DCC: variants seen among roughly 807,000 people sequenced by gnomAD.
The protein encoded by DCC is DCC netrin 1 receptor.
In DCC, 58 loss-of-function variants were observed where a neutral mutation model predicts 172.5. The ratio of observed to expected loss-of-function variants is 0.34; its 90% CI spans 0.27 to 0.42. The LOEUF (loss-of-function observed/expected upper bound fraction) is 0.42, where lower values mean the gene tolerates loss of function less well. Ranked by LOEUF, DCC falls within the 10% of genes least tolerant of loss-of-function variation. The probability of loss-of-function intolerance (pLI) is 1.00; values close to 1 mark genes in which losing one functional copy is unlikely to be tolerated. For synonymous variants in DCC, 709 were observed against 644.5 expected, an observed-to-expected ratio of 1.10 and a Z score of -1.52; for missense variants, 1,740 against 1,791.0, an observed-to-expected ratio of 0.97 and a Z score of 0.51.
At chr18:53,390,917 T>C (rs1412636671) in intron 16 of DCC, among the ~76,000 whole-genome samples, 2 of 152,216 alleles carry the variant, frequency 1.3e-5, no homozygotes, top group East Asian at 3.9e-4. Context: ...TCTGTGAGAA[T>C]GTGGGTAAAA....
At chr18:52,894,804 T>C (rs1236087276) in intron 2 of DCC, among the ~76,000 whole-genome samples, 2 of 152,192 alleles carry the variant, frequency 1.3e-5, no homozygotes, top group Non-Finnish European at 2.9e-5. Context: ...TTGTTCTATT[T>C]GGGCCTTTAA....
At chr18:52,772,083 T>G (rs2037353872) in intron 2 of DCC, among the ~76,000 whole-genome samples, 1 of 152,236 alleles carries the variant, frequency 6.6e-6, no homozygotes, top group African/African-American at 2.4e-5. Flanking sequence ...GATACATTCT[T>G]TTTACTTACT....
chr18:52,400,299 A>T (rs12969035), intron 1 of DCC, among the ~76,000 whole-genome samples: 55,942 of 151,836 alleles, frequency 0.37, 10,593 homozygotes, highest in Non-Finnish European at 0.42. Flanking sequence ...GACACCAAAA[A>T]ATATGGATGA....
chr18:53,364,359 C>T (rs1222235554), intron 15 of DCC, among the ~76,000 whole-genome samples: 2 of 151,382 alleles, frequency 1.3e-5, no homozygotes, highest in African/African-American at 2.4e-5. Context: ...GGAAATTGCC[C>T]CTGTTTTTTT....
At chr18:52,810,860 G>A (rs1052270041) in intron 2 of DCC, among the ~76,000 whole-genome samples, 1 of 152,148 alleles carries the variant, frequency 6.6e-6, no homozygotes, top group Admixed American at 6.5e-5. Flanking sequence ...CAGCTCGGAG[G>A]TAGGGTTTCA....
At chr18:53,119,789 T>C (rs367767253) in intron 7 of DCC, among the ~76,000 whole-genome samples, 330 of 151,954 alleles carry the variant, frequency 2.2e-3, no homozygotes, top group African/African-American at 7.5e-3. Context: ...GCATCACCGC[T>C]GTTGGTGCTG....
chr18:53,300,575 G>T (rs894206716), intron 12 of DCC, among the ~76,000 whole-genome samples: 2 of 152,064 alleles, frequency 1.3e-5, no homozygotes, highest in Non-Finnish European at 2.9e-5. Context: ...ATTAAATAAG[G>T]TATCATTAAA....
intron 2 of DCC, among the ~76,000 whole-genome samples, chr18:52,827,674 TCTA>T (rs1455887150): frequency 2.0e-5 from 3 of 152,240 alleles, no homozygotes; most frequent in African/African-American, 7.2e-5. Flanking sequence ...CAATAGCTCT[TCTA>T]CTACTATTTG....
chr18:52,741,930 T>A (rs939937365), intron 1 of DCC, among the ~76,000 whole-genome samples: 1 of 152,114 alleles, frequency 6.6e-6, no homozygotes, highest in African/African-American at 2.4e-5. Flanking sequence ...GAGGTGGGAC[T>A]TTGGGGAGAT....
chr18:52,748,736 G>A (rs2036948027), intron 1 of DCC, among the ~76,000 whole-genome samples: 1 of 152,222 alleles, frequency 6.6e-6, no homozygotes, highest in South Asian at 2.1e-4. Flanking sequence ...TGGAGAGTGA[G>A]CAAGGTGGAG....
intron 8 of DCC, among the ~76,000 whole-genome samples, chr18:53,173,429 G>A (rs1353346981): frequency 6.6e-6 from 1 of 151,898 alleles, no homozygotes; most frequent in Non-Finnish European, 1.5e-5. Context: ...CAGTTCTATG[G>A]TATTAGCACA....
intron 7 of DCC, among the ~76,000 whole-genome samples, chr18:53,083,933 A>T (rs1373772074): frequency 6.6e-6 from 1 of 152,208 alleles, no homozygotes; most frequent in African/African-American, 2.4e-5. Context: ...AAACTGTAAC[A>T]ACCTTTCTCC....
At chr18:53,398,809 T>C (rs553534517) in intron 18 of DCC, among the ~76,000 whole-genome samples, 54 of 152,206 alleles carry the variant, frequency 3.5e-4, no homozygotes, top group Non-Finnish European at 5.3e-4. Context: ...CTTTTAGAAA[T>C]GTGGTTAGTA....
intron 1 of DCC, among the ~76,000 whole-genome samples, chr18:52,487,889 A>G (rs2030309018): frequency 6.6e-6 from 1 of 151,788 alleles, no homozygotes; most frequent in South Asian, 2.1e-4. Context: ...AAATACATAA[A>G]CCTAGACTCT....
In DCC at chr18:53,515,982, G is replaced by A. The variant is rs1194250557; in HGVS notation, c.4112-10635G>A. On this transcript the variant is annotated intron_variant, in intron 27 of 28. Transcript: ENST00000442544. ...TTCATATGGAACCAAAAAAGAGCCC[G>A]CATCACCGAGTCAATCCTAAGCCAA... 6.2e-3 allele frequency among the ~76,000 whole-genome samples: 930 copies of A among 149,564 alleles called. 4 individuals are homozygous for A. Among genetic ancestry groups the A allele is most frequent in the Non-Finnish European group, 0.011 (760 of 67,164 alleles).
chr18:53,462,403 T>C lies in DCC; in HGVS notation c.3619+2945T>C, dbSNP rs1388045883. Among the ~76,000 whole-genome samples the C allele has an allele frequency of 1.5e-4, 23 of 151,894 alleles. 1 individual carries two copies. The highest frequency in any genetic ancestry group is 1.3e-3 in the Admixed American group (20 of 15,216). On this transcript the variant is annotated intron_variant, in intron 24 of 28. Coordinates refer to ENST00000442544, the MANE Select transcript of DCC (RefSeq NM_005215.4). ...CATGAACCCTATTGTGAAGTGCACA[T>C]GTGAGGGATCTAGGCTGCACGCTCC...
chr18:52,425,953 T>C (rs1001008764), intron 1 of DCC, among the ~76,000 whole-genome samples: 1 of 152,282 alleles, frequency 6.6e-6, no homozygotes, highest in Non-Finnish European at 1.5e-5. Context: ...TGTGGTTTTC[T>C]AATTCCTGAT....
chr18:53,280,386 A>G (rs994293974), intron 12 of DCC, among the ~76,000 whole-genome samples: 5 of 152,152 alleles, frequency 3.3e-5, no homozygotes, highest in African/African-American at 1.2e-4. Flanking sequence ...AATATATTGA[A>G]AAACCAAAAT....
chr18:52,515,014 A>G (rs1420762546), intron 1 of DCC, among the ~76,000 whole-genome samples: 1 of 152,218 alleles, frequency 6.6e-6, no homozygotes, highest in Admixed American at 6.5e-5. Flanking sequence ...ACAGTAAATA[A>G]AAACTACAGT....
Sources: gnomAD v4.1 joint callset for allele counts (sites outside exome capture counted in the v4.1 genomes callset) on GRCh38, gnomAD v4.1.1 for gene constraint, MANE v1.5 for transcripts, NCBI Gene and HGNC (gene_info 2026-07-23, HGNC 2026-07-21) for gene names.